The following SH3RF3 variants were observed in gnomAD, a reference collection of about 807,000 sequenced individuals.
SH3RF3 encodes the protein E3 ubiquitin-protein ligase SH3RF3.
Under a neutral mutation model 66.3 loss-of-function variants are expected in SH3RF3, and 29 were observed. That is an observed-to-expected ratio of 0.44 (90% CI 0.33 to 0.60). The LOEUF (loss-of-function observed/expected upper bound fraction) is 0.60, where lower values mean the gene tolerates loss of function less well. Ranked by LOEUF, SH3RF3 falls within the 20% of genes least tolerant of loss-of-function variation. The pLI, the probability that SH3RF3 is intolerant of heterozygous loss-of-function variation, is 0.04. For missense variants in SH3RF3, 1,194 were observed against 1,190.9 expected (o/e 1.00, Z -0.04); for synonymous variants, 583 against 532.0 (o/e 1.10, Z -1.32).
chr2:109,415,856 C>G (rs1428563171), intron 4 of SH3RF3, among the ~76,000 whole-genome samples: 1 of 152,154 alleles, frequency 6.6e-6, no homozygotes, highest in Non-Finnish European at 1.5e-5. Context: ...AATTTAATCC[C>G]CCAGGCGCAG....
intron 1 of SH3RF3, among the ~76,000 whole-genome samples, chr2:109,157,498 G>C (rs954892771): frequency 6.6e-6 from 1 of 152,122 alleles, no homozygotes; most frequent in Admixed American, 6.5e-5. Flanking sequence ...ACACCCTCTG[G>C]ATCTGAAACT....
intron 1 of SH3RF3, among the ~76,000 whole-genome samples, chr2:109,244,464 G>A (rs1679864028): frequency 6.6e-6 from 1 of 152,142 alleles, no homozygotes; most frequent in South Asian, 2.1e-4. Flanking sequence ...CTGTCTTCCT[G>A]ATGTGTTGGA....
chr2:109,307,295 T>C (rs1681618628), intron 1 of SH3RF3, among the ~76,000 whole-genome samples: 1 of 152,186 alleles, frequency 6.6e-6, no homozygotes, highest in African/African-American at 2.4e-5. Flanking sequence ...TAATATATGA[T>C]ATTGAAGATG....
chr2:109,204,339 T>G (rs561865749), intron 1 of SH3RF3, among the ~76,000 whole-genome samples: 1 of 152,374 alleles, frequency 6.6e-6, no homozygotes, highest in South Asian at 2.1e-4. Flanking sequence ...TTATCTCACC[T>G]AAGAGAGTTA....
chr2:109,195,544 TC>T (rs1265297490), intron 1 of SH3RF3, among the ~76,000 whole-genome samples: 2 of 152,242 alleles, frequency 1.3e-5, no homozygotes, highest in Non-Finnish European at 2.9e-5. Flanking sequence ...TAATTAAGTT[TC>T]CCATTTGCAC....
chr2:109,303,324 G>T (rs890074049), intron 1 of SH3RF3, among the ~76,000 whole-genome samples: 1 of 152,232 alleles, frequency 6.6e-6, no homozygotes, highest in African/African-American at 2.4e-5. Flanking sequence ...CTTGCCTCTG[G>T]CAGGGTTAAG....
At chr2:109,417,179 G>A (rs995485515) in intron 4 of SH3RF3, among the ~76,000 whole-genome samples, 32 of 152,186 alleles carry the variant, frequency 2.1e-4, no homozygotes, top group Non-Finnish European at 2.2e-4. Context: ...CATCCTCTGC[G>A]CAGATGCCTG....
chr2:109,498,927 G>A (rs1679321312), intron 9 of SH3RF3, among the ~76,000 whole-genome samples: 1 of 152,218 alleles, frequency 6.6e-6, no homozygotes, highest in Non-Finnish European at 1.5e-5. Context: ...TGCACCTGGG[G>A]TCGCTAGGGC....
intron 1 of SH3RF3, among the ~76,000 whole-genome samples, chr2:109,180,877 G>C (rs961483855): frequency 6.6e-6 from 1 of 152,184 alleles, no homozygotes; most frequent in African/African-American, 2.4e-5. Context: ...CTGAGTCCAG[G>C]GCAAGCTTAC....
chr2:109,441,345 T>G (rs1278475050), intron 7 of SH3RF3, among the ~76,000 whole-genome samples: 1 of 152,090 alleles, frequency 6.6e-6, no homozygotes, highest in Non-Finnish European at 1.5e-5. Context: ...GAAAGTTAAG[T>G]AGAGACATAA....
chr2:109,249,475 T>G (rs185732111), intron 1 of SH3RF3, among the ~76,000 whole-genome samples: 1 of 18,272 alleles, frequency 5.5e-5, no homozygotes, highest in Non-Finnish European at 8.3e-5. Context: ...TTCTCTTTCT[T>G]TCTTTCTTTC....
intron 1 of SH3RF3, among the ~76,000 whole-genome samples, chr2:109,167,651 A>C (rs1378421029): frequency 6.6e-6 from 1 of 152,202 alleles, no homozygotes; most frequent in Non-Finnish European, 1.5e-5. Flanking sequence ...GGCTCACTGC[A>C]ACCTCAGCTT....
At chr2:109,170,308 T>C (rs935636896) in intron 1 of SH3RF3, among the ~76,000 whole-genome samples, 1 of 138,496 alleles carries the variant, frequency 7.2e-6, no homozygotes, top group African/African-American at 2.8e-5. Context: ...TCTTCTCTTC[T>C]CTTCTCTCCT....
chr2:109,156,544 C>G (rs1432041129), intron 1 of SH3RF3, among the ~76,000 whole-genome samples: 3 of 151,850 alleles, frequency 2.0e-5, no homozygotes, highest in Non-Finnish European at 2.9e-5. Flanking sequence ...CTCCTGAGTT[C>G]AAGCGATTCT....
At chr2:109,223,409 T>TG (rs1425465578) in intron 1 of SH3RF3, among the ~76,000 whole-genome samples, 2 of 152,206 alleles carry the variant, frequency 1.3e-5, no homozygotes, top group African/African-American at 4.8e-5. Context: ...CTCGCTGTGA[T>TG]GGAGTTGCCG....
intron 9 of SH3RF3, among the ~76,000 whole-genome samples, chr2:109,493,233 A>G (rs901938582): frequency 5.3e-5 from 8 of 151,548 alleles, no homozygotes; most frequent in Admixed American, 1.3e-4. Flanking sequence ...CACATACAGC[A>G]TATACACACG....
chr2:109,166,843 A>G (rs1677638449), intron 1 of SH3RF3, among the ~76,000 whole-genome samples: 1 of 152,214 alleles, frequency 6.6e-6, no homozygotes, highest in Non-Finnish European at 1.5e-5. Flanking sequence ...AATCCCCCAT[A>G]TATGATTTTA....
intron 1 of SH3RF3, among the ~76,000 whole-genome samples, chr2:109,286,516 A>C (rs2105354886): frequency 6.6e-6 from 1 of 152,286 alleles, no homozygotes; most frequent in African/African-American, 2.4e-5. Context: ...CTGGGTGCAG[A>C]AGACCAAGTC....
chr2:109,280,064 T>A (rs575928804), intron 1 of SH3RF3, among the ~76,000 whole-genome samples: 12 of 152,280 alleles, frequency 7.9e-5, no homozygotes, highest in Non-Finnish European at 1.5e-4. Context: ...GCTCCCCTCC[T>A]ATTTTTTTCG....
Sources: gnomAD v4.1 joint callset for allele counts (sites outside exome capture counted in the v4.1 genomes callset) on GRCh38, gnomAD v4.1.1 for gene constraint, MANE v1.5 for transcripts, NCBI Gene and HGNC (gene_info 2026-07-23, HGNC 2026-07-21) for gene names.